PLPPR1: variants seen among roughly 807,000 people sequenced by gnomAD.
The protein encoded by PLPPR1 is phospholipid phosphatase-related protein type 1.
A neutral mutation model predicts 33.1 loss-of-function variants in PLPPR1; 10 were observed. The observed-to-expected ratio is 0.30, with a 90% CI of 0.19 to 0.51. The LOEUF is 0.51. Ranked by LOEUF, PLPPR1 falls within the 20% of genes least tolerant of loss-of-function variation. PLPPR1 has a pLI of 0.97. For synonymous variants in PLPPR1, 151 were observed against 151.0 expected (o/e 1.00, Z 0.00); for missense variants, 304 against 408.1 (o/e 0.74, Z 2.20).
At chr9:101,038,794 G>A (rs140761239) in intron 1 of PLPPR1, among the ~76,000 whole-genome samples, 1 of 152,042 alleles carries the variant, frequency 6.6e-6, no homozygotes. Flanking sequence ...CAGAGATTGC[G>A]TGCCCATCCT....
intron 2 of PLPPR1, 94 bp from the exon 3 acceptor site, chr9:101,269,786 C>A: frequency 1.7e-6 from 2 of 1,199,864 alleles, no homozygotes; most frequent in Admixed American, 1.7e-5. Flanking sequence ...ATCAGGAGAG[C>A]CGCTGCTGGG....
At chr9:101,151,469 A>G (rs370724773) in intron 1 of PLPPR1, among the ~76,000 whole-genome samples, 6 of 152,328 alleles carry the variant, frequency 3.9e-5, no homozygotes, top group African/African-American at 1.4e-4. Flanking sequence ...GCAAATAGCT[A>G]TTGCATAAAT....
At chr9:101,286,547 G>C (rs1828399082) in intron 4 of PLPPR1, among the ~76,000 whole-genome samples, 1 of 152,062 alleles carries the variant, frequency 6.6e-6, no homozygotes, top group East Asian at 1.9e-4. Flanking sequence ...TGGGGTGGGG[G>C]AGCATCAGGG....
At chr9:101,323,814 G>C (rs1396864964) in intron 7 of PLPPR1, among the ~76,000 whole-genome samples, 1 of 152,074 alleles carries the variant, frequency 6.6e-6, no homozygotes, top group African/African-American at 2.4e-5. Flanking sequence ...ACTCCAGCCT[G>C]GGCAACAATT....
rs114510619 is a variant in PLPPR1, at chr9:101,108,424, A to C, written c.-45-77026A>C. On this transcript the variant is annotated intron_variant, in intron 1 of 7. Transcript: ENST00000374874. ...TAGATGTTTGTTGAATGAAATAAAA[A>C]CATGCATAGGTGATGCATAAAGAAA... is the stretch of plus-strand genomic sequence containing the variant. 7.2e-3 allele frequency among the ~76,000 whole-genome samples: 1,100 copies of C among 152,354 alleles called. 8 individuals are homozygous for C. Among genetic ancestry groups the C allele is most frequent in the African/African-American group, 0.025 (1,042 of 41,586 alleles).
intron 2 of PLPPR1, among the ~76,000 whole-genome samples, chr9:101,250,677 C>T (rs966449295): frequency 1.3e-5 from 2 of 152,058 alleles, no homozygotes; most frequent in African/African-American, 4.8e-5. Flanking sequence ...ACCCTGCCTC[C>T]TTGCTGCAGT....
At chr9:101,241,707 G>A (rs917297307) in intron 2 of PLPPR1, among the ~76,000 whole-genome samples, 18 of 152,074 alleles carry the variant, frequency 1.2e-4, no homozygotes, top group Admixed American at 9.8e-4. Flanking sequence ...CGACCCTGAA[G>A]GAGCTAACAG....
chr9:101,066,410 C>T (rs1227269089), intron 1 of PLPPR1, among the ~76,000 whole-genome samples: 1 of 151,934 alleles, frequency 6.6e-6, no homozygotes, highest in Non-Finnish European at 1.5e-5. Context: ...AGGAATTCAC[C>T]ATGCACATCC....
intron 3 of PLPPR1, 99 bp downstream of exon 3, chr9:101,270,167 G>A (rs1828069095): frequency 1.5e-6 from 2 of 1,312,480 alleles, no homozygotes; most frequent in East Asian, 2.4e-5. Flanking sequence ...GCATTCACCA[G>A]CAGTTTTATC....
intron 1 of PLPPR1, among the ~76,000 whole-genome samples, chr9:101,064,818 C>T (rs1830390457): frequency 3.3e-5 from 5 of 151,892 alleles, no homozygotes; most frequent in Admixed American, 2.0e-4. Flanking sequence ...GTTTTGAGGT[C>T]GCTCAGGGAG....
Position 101,174,232 on chromosome 9 carries a change from G to A in PLPPR1, c.-45-11218G>A, listed in dbSNP as rs144302728. Among the ~76,000 whole-genome samples, 95 of 152,268 alleles carry A rather than the reference G, an allele frequency of 6.2e-4. 1 individual carries two copies. The East Asian group carries it at 0.018, about 28-fold the overall frequency. On this transcript the variant is annotated intron_variant, in intron 1 of 7. Transcript: ENST00000374874. Reference sequence around the variant, plus strand: ...AGTGCAGAATTCTTGGGCTTACTTCGAAGGGTACAATTTTTGGTGGGCTTG... The same window carrying A: ...AGTGCAGAATTCTTGGGCTTACTTCAAAGGGTACAATTTTTGGTGGGCTTG...
chr9:101,150,760 G>A (rs1169300731), intron 1 of PLPPR1, among the ~76,000 whole-genome samples: 1 of 152,162 alleles, frequency 6.6e-6, no homozygotes, highest in African/African-American at 2.4e-5. Flanking sequence ...CACTCGGCTT[G>A]TTTCCACTTC....
chr9:101,162,836 G>A (rs1280528023), intron 1 of PLPPR1, among the ~76,000 whole-genome samples: 1 of 152,106 alleles, frequency 6.6e-6, no homozygotes, highest in Non-Finnish European at 1.5e-5. Context: ...AAGGCCTTCA[G>A]GCAGAACCTA....
At chr9:101,126,369 C>T (rs998795680) in intron 1 of PLPPR1, among the ~76,000 whole-genome samples, 1 of 152,188 alleles carries the variant, frequency 6.6e-6, no homozygotes, top group African/African-American at 2.4e-5. Flanking sequence ...ACCAACTGTT[C>T]CTGAGGGCAA....
chr9:101,244,385 ATAAT>A (rs1163019884), intron 2 of PLPPR1, among the ~76,000 whole-genome samples: 1 of 152,050 alleles, frequency 6.6e-6, no homozygotes, highest in African/African-American at 2.4e-5. Flanking sequence ...AAGACGAAAA[ATAAT>A]TAATAGGGTT....
chr9:101,051,345 G>T (rs1476144109), intron 1 of PLPPR1, among the ~76,000 whole-genome samples: 3 of 150,856 alleles, frequency 2.0e-5, no homozygotes, highest in African/African-American at 7.3e-5. Context: ...AATCATTATT[G>T]CCCCATTACT....
chr9:101,060,048 G>C lies in PLPPR1; in HGVS notation c.-46+30946G>C, dbSNP rs1234312451. Among the ~76,000 whole-genome samples the C allele has an allele frequency of 3.3e-5, 5 of 152,120 alleles. No individual in the cohort carries two copies. The South Asian group carries it at 1.0e-3, about 32-fold the overall frequency. Reference sequence around the variant, plus strand: ...GTTCATTGCAGCATGATTCACAATAGCTAAGATATGGAATCAACCTAAGTT... The same window carrying C: ...GTTCATTGCAGCATGATTCACAATACCTAAGATATGGAATCAACCTAAGTT... On this transcript the variant is annotated intron_variant, in intron 1 of 7. Coordinates refer to ENST00000374874, the MANE Select transcript of PLPPR1 (RefSeq NM_207299.2).
chr9:101,058,332 G>A (rs796430584), intron 1 of PLPPR1, among the ~76,000 whole-genome samples: 1 of 151,204 alleles, frequency 6.6e-6, no homozygotes, highest in Non-Finnish European at 1.5e-5. Flanking sequence ...TACTTCATGG[G>A]GCCCACCAAA....
At chr9:101,290,036 G>A (rs1828466271) in intron 4 of PLPPR1, among the ~76,000 whole-genome samples, 1 of 152,160 alleles carries the variant, frequency 6.6e-6, no homozygotes. Flanking sequence ...TAGGAGGGGT[G>A]AAGGAATGCA....
Sources: allele counts gnomAD v4.1 joint callset (sites outside exome capture counted in the v4.1 genomes callset), GRCh38; gene constraint gnomAD v4.1.1; transcripts MANE v1.5; gene names NCBI Gene and HGNC (gene_info 2026-07-23, HGNC 2026-07-21).